The following ROBO2 variants were observed in gnomAD, a reference collection of about 807,000 sequenced individuals.
The protein encoded by ROBO2 is roundabout homolog 2.
In ROBO2, 53 loss-of-function variants were observed where a neutral mutation model predicts 160.8. The ratio of observed to expected loss-of-function variants is 0.33; its 90% CI spans 0.26 to 0.41. The LOEUF (loss-of-function observed/expected upper bound fraction) is 0.41. Ranked by LOEUF, ROBO2 falls within the 10% of genes least tolerant of loss-of-function variation. The probability of loss-of-function intolerance (pLI) is 1.00; values close to 1 mark genes in which losing one functional copy is unlikely to be tolerated. For missense variants in ROBO2, 1,577 were observed against 1,722.4 expected, an observed-to-expected ratio of 0.92 and a Z score of 1.49; for synonymous variants, 664 against 611.7, an observed-to-expected ratio of 1.09 and a Z score of -1.26.
intron 1 of ROBO2, among the ~76,000 whole-genome samples, chr3:77,044,836 G>A (rs2064476317): frequency 6.6e-6 from 1 of 152,184 alleles, no homozygotes; most frequent in South Asian, 2.1e-4. Context: ...GAGATTTATA[G>A]AGTGCCATTT....
At chr3:77,431,061 A>C (rs998241220) in intron 2 of ROBO2, among the ~76,000 whole-genome samples, 1 of 152,228 alleles carries the variant, frequency 6.6e-6, no homozygotes, top group African/African-American at 2.4e-5. Context: ...CATTCTTTAA[A>C]CTGGAAACTT....
At chr3:76,212,989 A>G (rs576718486) in intron 2 of ROBO2, among the ~76,000 whole-genome samples, 1 of 152,258 alleles carries the variant, frequency 6.6e-6, no homozygotes, top group African/African-American at 2.4e-5. Flanking sequence ...CTTAAGGCCT[A>G]TTTTGTAAGT....
At chr3:75,911,648 C>T (rs2106735395) in intron 1 of ROBO2, among the ~76,000 whole-genome samples, 1 of 148,902 alleles carries the variant, frequency 6.7e-6, no homozygotes, top group South Asian at 2.1e-4. Context: ...AGCTCCGCCT[C>T]CCGGGTTCAC....
chr3:77,433,130 G>A (rs1036847350), intron 2 of ROBO2, among the ~76,000 whole-genome samples: 1 of 152,120 alleles, frequency 6.6e-6, no homozygotes, highest in East Asian at 1.9e-4. Flanking sequence ...CTGCATCTCA[G>A]CCCCTGATCA....
chr3:77,632,401 A>T, intron 23 of ROBO2: 1 of 1,096,416 alleles, frequency 9.1e-7, no homozygotes, highest in Non-Finnish European at 1.2e-6. Flanking sequence ...TTACTTGCTC[A>T]TTAGTATAGT....
intron 2 of ROBO2, among the ~76,000 whole-genome samples, chr3:77,110,684 C>CAT (rs66955153): frequency 7.8e-4 from 115 of 147,736 alleles, no homozygotes; most frequent in South Asian, 5.1e-3. Context: ...TATGTATATA[C>CAT]ATATATATAT....
intron 2 of ROBO2, among the ~76,000 whole-genome samples, chr3:76,548,017 T>A (rs1298865785): frequency 6.6e-6 from 1 of 152,160 alleles, no homozygotes; most frequent in African/African-American, 2.4e-5. Context: ...CAGTATCTTT[T>A]TAATAGCATG....
intron 1 of ROBO2, among the ~76,000 whole-genome samples, chr3:75,917,441 T>A (rs1946858437): frequency 6.6e-6 from 1 of 152,220 alleles, no homozygotes; most frequent in South Asian, 2.1e-4. Flanking sequence ...CTATCATTGA[T>A]GGGCATTATG....
At chr3:77,426,454 G>A (rs1042578151) in intron 2 of ROBO2, among the ~76,000 whole-genome samples, 6 of 152,014 alleles carry the variant, frequency 3.9e-5, no homozygotes, top group Non-Finnish European at 8.8e-5. Context: ...GAAATCAGGC[G>A]TGAGATTAAG....
intron 2 of ROBO2, among the ~76,000 whole-genome samples, chr3:76,974,990 A>T (rs1317897991): frequency 6.6e-6 from 1 of 152,220 alleles, no homozygotes; most frequent in Non-Finnish European, 1.5e-5. Flanking sequence ...TAATAATAAT[A>T]CACTCTATGA....
intron 2 of ROBO2, among the ~76,000 whole-genome samples, chr3:76,607,534 A>G (rs4856048): frequency 0.41 from 62,598 of 152,006 alleles, 13,273 homozygotes; most frequent in East Asian, 0.73. Flanking sequence ...TTTAGTACTA[A>G]TATTTGAAAT....
chr3:77,568,686 T>C (rs532255242), intron 13 of ROBO2, among the ~76,000 whole-genome samples: 1 of 152,176 alleles, frequency 6.6e-6, no homozygotes, highest in East Asian at 1.9e-4. Flanking sequence ...ATAATTAGCA[T>C]ACCATAAAGT....
chr3:76,379,278 T>G (rs2076503707), intron 2 of ROBO2, among the ~76,000 whole-genome samples: 1 of 152,174 alleles, frequency 6.6e-6, no homozygotes, highest in South Asian at 2.1e-4. Context: ...GTAAAATTGT[T>G]CAACTGAAAA....
chr3:76,414,841 A>G (rs975807992), intron 2 of ROBO2, among the ~76,000 whole-genome samples: 6 of 152,142 alleles, frequency 3.9e-5, no homozygotes, highest in Non-Finnish European at 7.4e-5. Context: ...CAGCAACAAA[A>G]AAAATTATTC....
At chr3:77,285,177 G>A (rs1248313443) in intron 2 of ROBO2, among the ~76,000 whole-genome samples, 1 of 152,162 alleles carries the variant, frequency 6.6e-6, no homozygotes, top group Non-Finnish European at 1.5e-5. Flanking sequence ...GATTGTAGGA[G>A]GCAGGTGATG....
At chr3:76,978,717 C>CCA (rs1262554096) in intron 2 of ROBO2, among the ~76,000 whole-genome samples, 2 of 151,828 alleles carry the variant, frequency 1.3e-5, no homozygotes, top group Non-Finnish European at 2.9e-5. Flanking sequence ...GAAATTGCAA[C>CCA]CTTATAATAA....
chr3:76,734,146 G>A (rs1307919584), intron 2 of ROBO2, among the ~76,000 whole-genome samples: 1 of 151,864 alleles, frequency 6.6e-6, no homozygotes, highest in Non-Finnish European at 1.5e-5. Context: ...TGGGGGCGGG[G>A]GACAAAAACG....
intron 2 of ROBO2, among the ~76,000 whole-genome samples, chr3:75,971,436 C>G (rs980045971): frequency 6.6e-6 from 1 of 151,436 alleles, no homozygotes; most frequent in Non-Finnish European, 1.5e-5. Context: ...GGTCCAAATT[C>G]TAGTTATCTT....
At chr3:76,454,514 A>G (rs891486154) in intron 2 of ROBO2, among the ~76,000 whole-genome samples, 2 of 152,130 alleles carry the variant, frequency 1.3e-5, no homozygotes, top group African/African-American at 4.8e-5. Flanking sequence ...TGGTGGTTAG[A>G]ACGTTGGGGT....
Sources: gnomAD v4.1 joint callset for allele counts (sites outside exome capture counted in the v4.1 genomes callset) on GRCh38, gnomAD v4.1.1 for gene constraint, MANE v1.5 for transcripts, NCBI Gene and HGNC (gene_info 2026-07-23, HGNC 2026-07-21) for gene names.